Variants in DAB1 observed in about 807,000 individuals in gnomAD.
The protein encoded by DAB1 is disabled homolog 1.
Under a neutral mutation model 64.6 loss-of-function variants are expected in DAB1, and 15 were observed. The observed-to-expected ratio is 0.23, with a 90% CI of 0.16 to 0.36. The LOEUF is 0.36. DAB1 is among the 10% of genes least tolerant of loss of function. The pLI, the probability that DAB1 is intolerant of heterozygous loss-of-function variation, is 1.00. For synonymous variants in DAB1, 235 were observed against 251.9 expected (o/e 0.93, Z 0.64); for missense variants, 596 against 706.7 (o/e 0.84, Z 1.78).
At chr1:58,434,187 T>C (rs182254946) in intron 3 of DAB1, among the ~76,000 whole-genome samples, 15 of 152,282 alleles carry the variant, frequency 9.9e-5, no homozygotes, top group Admixed American at 9.2e-4. Flanking sequence ...GGATCACTCT[T>C]ACTACTGTGT....
At chr1:57,501,126 GT>G (rs1644285040) in intron 7 of DAB1, among the ~76,000 whole-genome samples, 1 of 152,158 alleles carries the variant, frequency 6.6e-6, no homozygotes, top group Admixed American at 6.5e-5. Context: ...CTTGTGACTT[GT>G]TTTGAACAAA....
intron 3 of DAB1, among the ~76,000 whole-genome samples, chr1:58,502,528 C>T (rs965670303): frequency 6.6e-6 from 1 of 152,182 alleles, no homozygotes; most frequent in Non-Finnish European, 1.5e-5. Flanking sequence ...GGGAACATAA[C>T]TTCACCATAC....
chr1:58,044,439 C>A (rs1316625576), intron 5 of DAB1, among the ~76,000 whole-genome samples: 1 of 151,724 alleles, frequency 6.6e-6, no homozygotes, highest in Non-Finnish European at 1.5e-5. Context: ...CTTCTTAGCT[C>A]TTCCATCTTG....
At chr1:58,479,294 T>C (rs1569856327) in intron 3 of DAB1, among the ~76,000 whole-genome samples, 1 of 151,964 alleles carries the variant, frequency 6.6e-6, no homozygotes, top group East Asian at 1.9e-4. Context: ...TCACAAGGAG[T>C]GTAAAAAATG....
intron 6 of DAB1, among the ~76,000 whole-genome samples, chr1:57,665,089 A>G (rs909748846): frequency 1.3e-5 from 2 of 152,106 alleles, no homozygotes; most frequent in Non-Finnish European, 2.9e-5. Flanking sequence ...ATCATTCTGA[A>G]AAAGCATATT....
At chr1:58,515,465 T>C (rs948850759) in intron 2 of DAB1, among the ~76,000 whole-genome samples, 2 of 152,138 alleles carry the variant, frequency 1.3e-5, no homozygotes, top group African/African-American at 4.8e-5. Flanking sequence ...CCCTCTATCT[T>C]AGGTAAAGTT....
Position 57,890,351 on chromosome 1 carries a change from C to T in DAB1, n.388-6189G>A, listed in dbSNP as rs930007511. Among the ~76,000 whole-genome samples the T allele has an allele frequency of 4.6e-5, 7 of 152,240 alleles. No individual in the cohort carries two copies. The South Asian group carries it at 6.2e-4, about 14-fold the overall frequency. ...GTCACTTCTGCCACTGGGTCTGTGA[C>T]CCCAACTCTTCACCTCTAGCTAACC... On this transcript the variant is annotated intron_variant and non_coding_transcript_variant, in intron 5 of 20. Coordinates refer to the DAB1 transcript ENST00000485760.
intron 3 of DAB1, among the ~76,000 whole-genome samples, chr1:58,349,455 ATC>A (rs1476849896): frequency 7.3e-5 from 11 of 151,536 alleles, no homozygotes; most frequent in African/African-American, 2.2e-4. Flanking sequence ...TATTATTATT[ATC>A]ATTATTACTA....
chr1:57,294,257 C>A (rs557349420), intron 1 of DAB1, among the ~76,000 whole-genome samples: 5 of 152,190 alleles, frequency 3.3e-5, no homozygotes, highest in Admixed American at 6.5e-5. Flanking sequence ...AATAATATTT[C>A]TTTGCTCCAC....
intron 4 of DAB1, among the ~76,000 whole-genome samples, chr1:57,100,098 T>C (rs750582010): frequency 1.3e-5 from 2 of 152,148 alleles, no homozygotes; most frequent in Non-Finnish European, 2.9e-5. Context: ...TGGGTTCAAA[T>C]CCTAGCTCCA....
chr1:57,107,572 G>C (rs557336464), intron 4 of DAB1, among the ~76,000 whole-genome samples: 65 of 152,000 alleles, frequency 4.3e-4, no homozygotes, highest in African/African-American at 1.2e-3. Context: ...CGTCCTGCAG[G>C]AACAACTGTG....
rs571567649 is a variant in DAB1, at chr1:58,175,888, A to G, written n.310-25300T>C. On this transcript the variant is annotated intron_variant and non_coding_transcript_variant, in intron 4 of 20. Coordinates refer to the DAB1 transcript ENST00000485760. ...TTGATCACAGCCCACAGATGCGTCT[A>G]TATGTGTCACACCATAAAAAATATA... is the stretch of plus-strand genomic sequence containing the variant. Among the ~76,000 whole-genome samples the G allele has an allele frequency of 2.0e-5, 3 of 152,340 alleles. No individual in the cohort carries two copies. In the East Asian group the frequency reaches 5.8e-4, roughly 29 times the overall value.
intron 9 of DAB1, among the ~76,000 whole-genome samples, chr1:57,053,790 C>A (rs959213682): frequency 6.7e-6 from 1 of 148,768 alleles, no homozygotes; most frequent in Non-Finnish European, 1.5e-5. Context: ...TGGGTTTAAG[C>A]AATTCTCCTG....
chr1:57,128,938 A>C (rs1424477201), intron 4 of DAB1, among the ~76,000 whole-genome samples: 1 of 152,204 alleles, frequency 6.6e-6, no homozygotes. Flanking sequence ...ATCAGTTTCC[A>C]GCTCCACAAT....
intron 7 of DAB1, among the ~76,000 whole-genome samples, chr1:57,592,163 A>C (rs1235962340): frequency 6.6e-6 from 1 of 152,160 alleles, no homozygotes; most frequent in African/African-American, 2.4e-5. Flanking sequence ...CCAAATAGGA[A>C]CATCTGGAAA....
At chr1:58,253,568 G>C (rs1374831086) in intron 4 of DAB1, among the ~76,000 whole-genome samples, 1 of 152,198 alleles carries the variant, frequency 6.6e-6, no homozygotes, top group Non-Finnish European at 1.5e-5. Context: ...AAATAGTTGG[G>C]CTGCCCTTGA....
At chr1:57,770,466 C>T (rs1020822483) in intron 6 of DAB1, among the ~76,000 whole-genome samples, 2 of 151,864 alleles carry the variant, frequency 1.3e-5, no homozygotes, top group Non-Finnish European at 1.5e-5. Flanking sequence ...TGTGGTCTTG[C>T]TATGTTGCCC....
intron 10 of DAB1, among the ~76,000 whole-genome samples, chr1:57,024,251 C>T (rs1469191206): frequency 6.6e-6 from 1 of 150,818 alleles, no homozygotes; most frequent in Non-Finnish European, 1.5e-5. Flanking sequence ...TTCAAGAAGA[C>T]AACAAGAAAC....
intron 1 of DAB1, among the ~76,000 whole-genome samples, chr1:57,422,539 A>G (rs1221528251): frequency 1.3e-5 from 2 of 152,098 alleles, no homozygotes; most frequent in African/African-American, 4.8e-5. Flanking sequence ...TCGGCGACAC[A>G]TACACACCGG....
Sources: gnomAD v4.1 joint callset for allele counts (sites outside exome capture counted in the v4.1 genomes callset) on GRCh38, gnomAD v4.1.1 for gene constraint, MANE v1.5 for transcripts, NCBI Gene and HGNC (gene_info 2026-07-23, HGNC 2026-07-21) for gene names.